Variants in RORA observed in about 807,000 individuals in gnomAD.
RORA encodes nuclear receptor ROR-alpha.
RORA carries 7 observed loss-of-function variants against 69.5 expected under a neutral mutation model. The ratio of observed to expected loss-of-function variants is 0.10; its 90% confidence interval spans 0.06 to 0.19. The LOEUF is 0.19. Among genes scored for constraint, RORA ranks in the 10% least tolerant of loss-of-function variants. The probability of loss-of-function intolerance (pLI) is 1.00; values close to 1 mark genes in which losing one functional copy is unlikely to be tolerated. For missense variants in RORA, 457 were observed against 663.0 expected (o/e 0.69, Z 3.41); for synonymous variants, 261 against 240.8 (o/e 1.08, Z -0.78).
intron 2 of RORA, among the ~76,000 whole-genome samples, chr15:60,674,393 A>G (rs534278936): frequency 2.6e-5 from 4 of 152,352 alleles, no homozygotes; most frequent in Admixed American, 1.3e-4. Flanking sequence ...TGTGATATCA[A>G]TGAATGCCTA....
At chr15:60,893,186 T>C (rs1395938141) in intron 1 of RORA, among the ~76,000 whole-genome samples, 3 of 152,190 alleles carry the variant, frequency 2.0e-5, no homozygotes, top group Admixed American at 1.3e-4. Flanking sequence ...ACCAAAGACG[T>C]GAGAATTCCC....
chr15:61,021,538 C>T (rs1287661849), intron 1 of RORA, among the ~76,000 whole-genome samples: 4 of 152,200 alleles, frequency 2.6e-5, no homozygotes. Context: ...GACATTGAGG[C>T]TGATCAAGGT....
chr15:60,551,622 C>T (rs896924063), intron 2 of RORA, among the ~76,000 whole-genome samples: 5 of 152,194 alleles, frequency 3.3e-5, no homozygotes, highest in African/African-American at 1.2e-4. Flanking sequence ...TGGTCTGAAA[C>T]TCCTCTGGAA....
rs140574235 is a variant in RORA at position 60,861,445 on chromosome 15, T to C, written c.167-182759A>G. Among the ~76,000 whole-genome samples the C allele has an allele frequency of 8.1e-4, 123 of 152,236 alleles. 1 individual carries two copies. Among genetic ancestry groups the C allele is most frequent in the African/African-American group, 2.9e-3 (119 of 41,550 alleles). On this transcript the variant is annotated intron_variant, in intron 1 of 10. Coordinates refer to ENST00000335670, the MANE Select transcript of RORA (RefSeq NM_134261.3). ...TAGCTGGTGGCTCACCAGTGTGGCATGGTTGTGATGAGGACTACTGTACCA... is the reference window on the plus strand; with the variant it reads ...TAGCTGGTGGCTCACCAGTGTGGCACGGTTGTGATGAGGACTACTGTACCA...
At chr15:61,101,144 ATCAC>A (rs1212083222) in intron 1 of RORA, among the ~76,000 whole-genome samples, 1 of 152,240 alleles carries the variant, frequency 6.6e-6, no homozygotes, top group Non-Finnish European at 1.5e-5. Flanking sequence ...CCTGTTACAA[ATCAC>A]TCATTCATTC....
chr15:60,759,761 T>C (rs1279466795), intron 1 of RORA, among the ~76,000 whole-genome samples: 1 of 152,150 alleles, frequency 6.6e-6, no homozygotes, highest in Non-Finnish European at 1.5e-5. Context: ...TTTTCCCTTC[T>C]ACCTACTCTT....
intron 1 of RORA, among the ~76,000 whole-genome samples, chr15:60,843,792 T>C (rs191762711): frequency 6.6e-6 from 1 of 152,332 alleles, no homozygotes; most frequent in East Asian, 1.9e-4. Flanking sequence ...GCAAGGTCCG[T>C]GAATGTCTCT....
chr15:60,882,236 G>A (rs945560821), intron 1 of RORA, among the ~76,000 whole-genome samples: 3 of 152,132 alleles, frequency 2.0e-5, no homozygotes, highest in African/African-American at 4.8e-5. Flanking sequence ...TGGCATTCTC[G>A]ATTAGGGGCA....
intron 1 of RORA, among the ~76,000 whole-genome samples, chr15:60,751,366 T>C (rs768105577): frequency 5.3e-5 from 8 of 152,222 alleles, no homozygotes; most frequent in Non-Finnish European, 8.8e-5. Context: ...ATCATTAGTA[T>C]CATTATTATT....
At chr15:60,854,433 G>C (rs1265436076) in intron 1 of RORA, among the ~76,000 whole-genome samples, 1 of 152,074 alleles carries the variant, frequency 6.6e-6, no homozygotes, top group Non-Finnish European at 1.5e-5. Context: ...TTGTTTTTCT[G>C]TATTTAGGCC....
intron 1 of RORA, among the ~76,000 whole-genome samples, chr15:60,774,637 C>T (rs2072134288): frequency 6.6e-6 from 1 of 152,224 alleles, no homozygotes; most frequent in Admixed American, 6.5e-5. Context: ...ATCTAGGTAA[C>T]ACAAATACCC....
chr15:60,933,220 A>G (rs1465191118), intron 1 of RORA, among the ~76,000 whole-genome samples: 2 of 152,162 alleles, frequency 1.3e-5, no homozygotes, highest in South Asian at 2.1e-4. Flanking sequence ...CCCACTGCCT[A>G]TGGAATCATG....
chr15:60,710,419 C>T (rs1357704354), intron 1 of RORA, among the ~76,000 whole-genome samples: 2 of 152,046 alleles, frequency 1.3e-5, no homozygotes, highest in African/African-American at 4.8e-5. Flanking sequence ...ACCCGAGAGG[C>T]GGAGGTTGCA....
chr15:60,959,787 C>T (rs1893365222), intron 1 of RORA, among the ~76,000 whole-genome samples: 1 of 152,176 alleles, frequency 6.6e-6, no homozygotes, highest in Non-Finnish European at 1.5e-5. Flanking sequence ...TCTACTGCTG[C>T]ATCCCATGAT....
chr15:60,729,809 C>T (rs1182132216), intron 1 of RORA, among the ~76,000 whole-genome samples: 3 of 152,208 alleles, frequency 2.0e-5, no homozygotes, highest in Non-Finnish European at 2.9e-5. Flanking sequence ...TCTAATCCAA[C>T]TTATACTTTA....
rs180979218 is a variant in RORA at position 60,491,365 on chromosome 15, G to T, written c.*6090C>A. On this transcript the variant is annotated 3_prime_UTR_variant, in exon 11 of 11. Coordinates refer to ENST00000335670, the MANE Select transcript of RORA (RefSeq NM_134261.3). ...GCTATCTTTCATTAGTTCTTAGAAG[G>T]ATGAAAGTAAAAGAAGTGTGGTACT... is the stretch of plus-strand genomic sequence containing the variant. 6.6e-6 allele frequency: 1 copy of T among 152,218 alleles called. No individual in the cohort carries two copies. Among genetic ancestry groups the T allele is most frequent in the East Asian group, 1.9e-4 (1 of 5,178 alleles). 9.4% of individuals were successfully genotyped at this position (152,218 alleles called of 1,614,324 possible).
At position 60,506,573 on chromosome 15, in the gene RORA, C is replaced by T. The variant is rs987188689; in HGVS notation, c.821-944G>A. ...AGCTGTCAGAAAAGGAAGAGATTGGCTGGGTGTGGTGGCTCACGCCTGTAA... is the reference window on the plus strand; with the variant it reads ...AGCTGTCAGAAAAGGAAGAGATTGGTTGGGTGTGGTGGCTCACGCCTGTAA... On this transcript the variant is annotated intron_variant, in intron 5 of 10. Coordinates refer to ENST00000335670, the MANE Select transcript of RORA (RefSeq NM_134261.3). Among the ~76,000 whole-genome samples, 8 of 152,306 alleles carry T rather than the reference C, an allele frequency of 5.3e-5. No individual in the cohort carries two copies. In the East Asian group the frequency reaches 7.7e-4, roughly 15 times the overall value.
chr15:60,772,624 G>A (rs987363127), intron 1 of RORA, among the ~76,000 whole-genome samples: 2 of 152,162 alleles, frequency 1.3e-5, no homozygotes, highest in Admixed American at 6.5e-5. Context: ...AAAGCAAGAC[G>A]TCTACTGTAT....
chr15:60,982,031 C>T (rs7495128), intron 1 of RORA, among the ~76,000 whole-genome samples: 38,411 of 152,100 alleles, frequency 0.25, 5,046 homozygotes, highest in East Asian at 0.33. Flanking sequence ...CTGTATTCTA[C>T]GTCATGTGTA....
Sources: gnomAD v4.1 joint callset for allele counts (sites outside exome capture counted in the v4.1 genomes callset) on GRCh38, gnomAD v4.1.1 for gene constraint, MANE v1.5 for transcripts, NCBI Gene and HGNC (gene_info 2026-07-23, HGNC 2026-07-21) for gene names.